TTC7B: variants seen among roughly 807,000 people sequenced by gnomAD.
TTC7B encodes tetratricopeptide repeat domain 7B.
In TTC7B, 28 loss-of-function variants were observed where a neutral mutation model predicts 106.8. The observed-to-expected ratio is 0.26, with a 90% CI of 0.19 to 0.36. The LOEUF (loss-of-function observed/expected upper bound fraction) is 0.36, where lower values mean the gene tolerates loss of function less well. Ranked by LOEUF, TTC7B falls within the 10% of genes least tolerant of loss-of-function variation. TTC7B has a pLI of 1.00. For synonymous variants in TTC7B, 405 were observed against 430.6 expected (o/e 0.94, Z 0.74); for missense variants, 862 against 1,076.4 (o/e 0.80, Z 2.79).
chr14:90,544,048 C>T (rs1889719336), intron 19 of TTC7B, among the ~76,000 whole-genome samples: 1 of 152,230 alleles, frequency 6.6e-6, no homozygotes, highest in African/African-American at 2.4e-5. Flanking sequence ...CAAGGAGACC[C>T]ATGGCCGAGG....
At chr14:90,626,484 T>G (rs1177307274) in intron 15 of TTC7B, among the ~76,000 whole-genome samples, 1 of 152,134 alleles carries the variant, frequency 6.6e-6, no homozygotes, top group Non-Finnish European at 1.5e-5. Context: ...ATGTACCCAC[T>G]GAGGGGGTAC....
At chr14:90,649,474 A>G (rs949960357) in intron 13 of TTC7B, among the ~76,000 whole-genome samples, 2 of 152,180 alleles carry the variant, frequency 1.3e-5, no homozygotes, top group Non-Finnish European at 2.9e-5. Flanking sequence ...GATGAGAGAG[A>G]GGACATTAGT....
intron 15 of TTC7B, among the ~76,000 whole-genome samples, chr14:90,622,689 C>G (rs568271455): frequency 3.7e-4 from 57 of 152,212 alleles, no homozygotes; most frequent in African/African-American, 1.3e-3. Context: ...GAGATCATGC[C>G]ACTACACCAC....
rs377081493 is a variant in TTC7B, at chr14:90,744,847, G to C, written c.521C>G (p.Thr174Ser). The stretch of plus-strand genomic sequence containing the variant: ...GATGTCCCCTGCTTTCTCATAACAG[G>C]TGATGACATCCTGTTCCCGGTCCAC... ...LHVDREQDVI[T>S]CYEKAGDIAL... The change falls in exon 4 of 20, where the codon ACC becomes AGC. Residue 174 changes from threonine (T) to serine (S), a missense_variant. Transcript: ENST00000328459. 40 of 1,613,868 alleles carry C rather than the reference G, an allele frequency of 2.5e-5. No individual in the cohort carries two copies. In the Middle Eastern group the frequency reaches 4.9e-4, roughly 20 times the overall value.
chr14:90,593,052 A>G (rs915427943), intron 18 of TTC7B, among the ~76,000 whole-genome samples: 3 of 152,168 alleles, frequency 2.0e-5, no homozygotes, highest in Non-Finnish European at 4.4e-5. Context: ...ACCCTGGGAG[A>G]TGGGTGCTAT....
intron 1 of TTC7B, among the ~76,000 whole-genome samples, chr14:90,804,829 A>G (rs1351569582): frequency 2.0e-5 from 3 of 152,182 alleles, no homozygotes; most frequent in African/African-American, 7.2e-5. Context: ...TCCTCAAGGG[A>G]ACCAGGCCTC....
chr14:90,573,416 ACGGTCCCTCTCCGGCT>A (rs1891115474), intron 19 of TTC7B, among the ~76,000 whole-genome samples: 2 of 130,148 alleles, frequency 1.5e-5, no homozygotes, highest in African/African-American at 6.3e-5. Flanking sequence ...TCTCCGGCTC[ACGGTCCCTCTCCGGCT>A]CACGGTCCCT....
At chr14:90,548,806 A>G (rs1889947818) in intron 19 of TTC7B, among the ~76,000 whole-genome samples, 1 of 152,196 alleles carries the variant, frequency 6.6e-6, no homozygotes, top group Non-Finnish European at 1.5e-5. Flanking sequence ...CTGACCCACC[A>G]CAGCTTGCCA....
chr14:90,749,106 A>C (rs918384089), intron 3 of TTC7B, among the ~76,000 whole-genome samples: 2 of 151,990 alleles, frequency 1.3e-5, no homozygotes, highest in African/African-American at 4.8e-5. Flanking sequence ...TTCTGCTATC[A>C]CCCTTACGTT....
chr14:90,593,787 G>C (rs1358233832), intron 17 of TTC7B, 161 bp from the exon 18 acceptor site: 4 of 632,862 alleles, frequency 6.3e-6, no homozygotes, highest in Non-Finnish European at 9.6e-6. Context: ...ACGGCCCGGG[G>C]CCTTAGTTTC....
intron 19 of TTC7B, among the ~76,000 whole-genome samples, chr14:90,545,129 G>A (rs747249115): frequency 3.9e-5 from 6 of 152,080 alleles, no homozygotes; most frequent in Non-Finnish European, 8.8e-5. Flanking sequence ...AATCAACATC[G>A]AGCTGCAGCC....
At chr14:90,723,357 T>C (rs1191074162) in intron 5 of TTC7B, among the ~76,000 whole-genome samples, 1 of 152,224 alleles carries the variant, frequency 6.6e-6, no homozygotes, top group Non-Finnish European at 1.5e-5. Flanking sequence ...CACCACCTAG[T>C]ATCACCTACC....
Position 90,657,086 on chromosome 14 carries a change from C to T in TTC7B, c.1341+88G>A. ...TTGTACAGCTGATGAATCACCCTCG[C>T]TTTCTCTCTGTGCCTCGACATGAAA... On this transcript the variant is annotated intron_variant, in intron 11 of 19. Coordinates refer to ENST00000328459, the MANE Select transcript of TTC7B (RefSeq NM_001010854.2). The surrounding 1 kb of genome is among the most constrained non-coding windows in gnomAD (Gnocchi z 4.2). 2 of 1,160,590 alleles carry T rather than the reference C, an allele frequency of 1.7e-6. No individual in the cohort carries two copies. The highest frequency in any genetic ancestry group is 2.4e-5 in the East Asian group (1 of 42,446). 71.9% of individuals were successfully genotyped at this position (1,160,590 alleles called of 1,614,324 possible).
intron 10 of TTC7B, 79 bp downstream of exon 10, chr14:90,658,225 C>G: frequency 8.2e-7 from 1 of 1,219,908 alleles, no homozygotes; most frequent in Non-Finnish European, 1.2e-6. Context: ...GTCTATCATT[C>G]CGTGCAATTC....
Position 90,593,551 on chromosome 14 carries a change from C to T in TTC7B, c.2042G>A (p.Ser681Asn). ...CAGCGGGCCCTGCTTAGGGGCACTGCTCTGCAGAGACGAAGCCACTTCCGA... is the reference window on the plus strand; with the variant it reads ...CAGCGGGCCCTGCTTAGGGGCACTGTTCTGCAGAGACGAAGCCACTTCCGA... ...ALSEVASSLQSSAPKQGPLHP... is the reference protein window; with the variant it reads ...ALSEVASSLQNSAPKQGPLHP... The change falls in exon 18 of 20, where the codon AGC becomes AAC. Residue 681 changes from serine (S) to asparagine (N), a missense_variant. Transcript: ENST00000328459. The T allele has an allele frequency of 6.2e-7, 1 of 1,612,556 alleles. No individual in the cohort carries two copies. The highest frequency in any genetic ancestry group is 8.5e-7 in the Non-Finnish European group (1 of 1,179,128).
intron 7 of TTC7B, among the ~76,000 whole-genome samples, chr14:90,684,410 G>GA (rs1212593783): frequency 6.6e-6 from 1 of 151,942 alleles, no homozygotes; most frequent in African/African-American, 2.4e-5. Flanking sequence ...GATGCAGGGG[G>GA]AAAAAAGAAA....
At chr14:90,800,396 G>A (rs770573270) in intron 1 of TTC7B, among the ~76,000 whole-genome samples, 7 of 152,166 alleles carry the variant, frequency 4.6e-5, no homozygotes, top group Non-Finnish European at 1.0e-4. Flanking sequence ...TCTGAAACCT[G>A]TGGACATGTT....
Position 90,745,817 on chromosome 14 carries a change from G to A in TTC7B, c.446-895C>T, listed in dbSNP as rs1756747108. On this transcript the variant is annotated intron_variant, in intron 3 of 19. Transcript: ENST00000328459. ...CCTCCTGAGTTCAAGAGATTCTTCT[G>A]TCTCAGCCTCCCAGGTAGCTGGGAC... Among the ~76,000 whole-genome samples the A allele has an allele frequency of 2.0e-5, 3 of 151,068 alleles. No homozygotes were observed. In the South Asian group the frequency reaches 6.3e-4, roughly 32 times the overall value.
Position 90,776,140 on chromosome 14 carries a change from G to GACACACACACACACACAC in TTC7B, c.445+4580_445+4597dup, listed in dbSNP as rs370873395. Among the ~76,000 whole-genome samples, 1,183 of 140,346 alleles carry GACACACACACACACACAC rather than the reference G, an allele frequency of 8.4e-3. 15 individuals are homozygous for GACACACACACACACACAC. Among genetic ancestry groups the GACACACACACACACACAC allele is most frequent in the African/African-American group, 0.018 (666 of 36,342 alleles). The allele number at this position is 140,346 out of a possible 152,430, so 92.1% of individuals were successfully genotyped here. A position where few individuals can be genotyped will look rare whatever the true frequency, so the allele number is the denominator to read the frequency against. ...AGCAGGGCAGGAGAGGGCCCCCCGT[G>GACACACACACACACACAC]ACACACACACACACACACACACACA... On this transcript the variant is annotated intron_variant, in intron 3 of 19. Coordinates refer to ENST00000328459, the MANE Select transcript of TTC7B (RefSeq NM_001010854.2).
Sources: gnomAD v4.1 joint callset for allele counts (sites outside exome capture counted in the v4.1 genomes callset) on GRCh38, gnomAD v4.1.1 for gene constraint, Gnocchi (gnomAD v3.1) non-coding constraint, MANE v1.5 for transcripts, NCBI Gene and HGNC (gene_info 2026-07-23, HGNC 2026-07-21) for gene names.